Variants in IMMP2L observed in about 807,000 individuals in gnomAD.
IMMP2L encodes mitochondrial inner membrane protease subunit 2.
IMMP2L carries 18 observed loss-of-function variants against 19.3 expected under a neutral mutation model. The observed-to-expected ratio is 0.93, with a 90% CI of 0.64 to 1.38. The LOEUF (loss-of-function observed/expected upper bound fraction) is 1.38, where lower values mean the gene tolerates loss of function less well. Ranked by LOEUF, IMMP2L falls within the 40% of genes most tolerant of loss-of-function variation. The probability of loss-of-function intolerance (pLI) is 0.00; values close to 1 mark genes in which losing one functional copy is unlikely to be tolerated. For synonymous variants in IMMP2L, 76 were observed against 73.0 expected (o/e 1.04, Z -0.21); for missense variants, 233 against 218.2 (o/e 1.07, Z -0.43).
chr7:111,424,833 T>C (rs1835912861), intron 3 of IMMP2L, among the ~76,000 whole-genome samples: 1 of 151,794 alleles, frequency 6.6e-6, no homozygotes. Flanking sequence ...TTGTAAAATA[T>C]GTGGTTATTT....
rs111710073 is a variant in IMMP2L at position 110,882,287 on chromosome 7, G to GCCTTCCTTCCTTCCTT, written c.408+4290_408+4305dup. On this transcript the variant is annotated intron_variant, in intron 5 of 5. Transcript: ENST00000405709. ...GTCCCAATTCCTCTCTTTGTCAAGT[G>GCCTTCCTTCCTTCCTT]CCTTCCTTCCTTCCTTCCTTCCTTC... Among the ~76,000 whole-genome samples, 119 of 122,168 alleles carry GCCTTCCTTCCTTCCTT rather than the reference G, an allele frequency of 9.7e-4. 1 individual carries two copies. The highest frequency in any genetic ancestry group is 2.8e-3 in the African/African-American group (84 of 30,168). The allele number at this position is 122,168 out of a possible 152,430, so 80.1% of individuals were successfully genotyped here.
At chr7:111,480,597 CAAAAAAAAAA>C (rs925037556) in intron 3 of IMMP2L, among the ~76,000 whole-genome samples, 9 of 55,060 alleles carry the variant, frequency 1.6e-4, no homozygotes, top group East Asian at 5.8e-4. Flanking sequence ...ATTTTACTGT[CAAAAAAAAAA>C]AAAAAAAAAA....
At chr7:110,799,668 C>A (rs2131201710) in intron 5 of IMMP2L, among the ~76,000 whole-genome samples, 1 of 152,112 alleles carries the variant, frequency 6.6e-6, no homozygotes, top group South Asian at 2.1e-4. Context: ...TCAAAGATGA[C>A]AATTTATCAT....
chr7:111,456,586 A>G (rs1214969736), intron 3 of IMMP2L, among the ~76,000 whole-genome samples: 3 of 152,194 alleles, frequency 2.0e-5, no homozygotes, highest in Admixed American at 2.0e-4. Flanking sequence ...ATATTTATGA[A>G]CGATATCAAT....
chr7:110,816,333 G>A (rs1190856656), intron 5 of IMMP2L, among the ~76,000 whole-genome samples: 2 of 152,098 alleles, frequency 1.3e-5, no homozygotes, highest in Non-Finnish European at 2.9e-5. Context: ...CTGAGAGACA[G>A]TTTGTTATAA....
intron 4 of IMMP2L, among the ~76,000 whole-genome samples, chr7:110,935,105 G>T (rs551067984): frequency 6.6e-6 from 1 of 151,998 alleles, no homozygotes; most frequent in Non-Finnish European, 1.5e-5. Context: ...TGGTCTTTAC[G>T]ATTTGTTATG....
chr7:111,441,128 A>T (rs1837669285), intron 3 of IMMP2L, among the ~76,000 whole-genome samples: 1 of 151,850 alleles, frequency 6.6e-6, no homozygotes, highest in Non-Finnish European at 1.5e-5. Context: ...TAACAGCAAT[A>T]AGGCTATTTC....
chr7:111,507,014 C>A (rs1397304617), intron 2 of IMMP2L, among the ~76,000 whole-genome samples: 1 of 151,876 alleles, frequency 6.6e-6, no homozygotes, highest in African/African-American at 2.4e-5. Context: ...GCTAAGTTTT[C>A]TATTTTTAGT....
chr7:111,354,947 T>C (rs953081099), intron 3 of IMMP2L, among the ~76,000 whole-genome samples: 2 of 151,762 alleles, frequency 1.3e-5, no homozygotes, highest in East Asian at 1.9e-4. Context: ...CTAATCTCAA[T>C]AGAATAAACA....
chr7:111,114,994 C>T (rs910438777), intron 3 of IMMP2L, among the ~76,000 whole-genome samples: 5 of 151,914 alleles, frequency 3.3e-5, no homozygotes, highest in African/African-American at 1.2e-4. Context: ...TTAATTATAA[C>T]CTGAAGCAAA....
rs187872002 is a variant in IMMP2L, at chr7:111,389,831, A to T, written c.239+97407T>A. Reference sequence around the variant, plus strand: ...TCTGCTCTGAATTTTGAATATAAAAAAGTATGCTTGTGCTAGAGGCTAATA... The same window carrying T: ...TCTGCTCTGAATTTTGAATATAAAATAGTATGCTTGTGCTAGAGGCTAATA... On this transcript the variant is annotated intron_variant, in intron 3 of 5. Coordinates refer to ENST00000405709, the MANE Select transcript of IMMP2L (RefSeq NM_032549.4). Among the ~76,000 whole-genome samples, 21 of 152,234 alleles carry T rather than the reference A, an allele frequency of 1.4e-4. 1 individual carries two copies. Among genetic ancestry groups the T allele is most frequent in the Non-Finnish European group, 3.1e-4 (21 of 68,012 alleles).
At chr7:110,706,925 G>C (rs951904462) in intron 5 of IMMP2L, among the ~76,000 whole-genome samples, 1 of 151,066 alleles carries the variant, frequency 6.6e-6, no homozygotes, top group Non-Finnish European at 1.5e-5. Flanking sequence ...TCCCAAGGTT[G>C]ATACCCAGAA....
intron 5 of IMMP2L, among the ~76,000 whole-genome samples, chr7:110,678,914 G>A (rs975193442): frequency 1.4e-4 from 21 of 152,078 alleles, no homozygotes; most frequent in African/African-American, 4.3e-4. Context: ...GAAGAGATTC[G>A]AAATGAGACT....
intron 5 of IMMP2L, among the ~76,000 whole-genome samples, chr7:110,850,024 T>C (rs1806038673): frequency 6.6e-6 from 1 of 151,958 alleles, no homozygotes; most frequent in South Asian, 2.1e-4. Flanking sequence ...ATAGGGAAAG[T>C]ATGTAGAAGA....
intron 3 of IMMP2L, among the ~76,000 whole-genome samples, chr7:111,156,602 T>C (rs1354837522): frequency 1.3e-5 from 2 of 152,080 alleles, no homozygotes; most frequent in Admixed American, 1.3e-4. Flanking sequence ...TATCTTTCCA[T>C]TTATTTAGGT....
At chr7:111,007,150 C>A (rs1487497578) in intron 3 of IMMP2L, among the ~76,000 whole-genome samples, 1 of 152,094 alleles carries the variant, frequency 6.6e-6, no homozygotes, top group African/African-American at 2.4e-5. Flanking sequence ...CACGCACCTT[C>A]TTCACATGGT....
At chr7:110,888,535 C>T (rs950784504) in intron 4 of IMMP2L, among the ~76,000 whole-genome samples, 3 of 152,072 alleles carry the variant, frequency 2.0e-5, no homozygotes, top group African/African-American at 7.2e-5. Flanking sequence ...TGCAGTGACA[C>T]GGTGAGTTTT....
At chr7:110,749,763 G>T (rs1797609321) in intron 5 of IMMP2L, among the ~76,000 whole-genome samples, 1 of 152,116 alleles carries the variant, frequency 6.6e-6, no homozygotes, top group African/African-American at 2.4e-5. Flanking sequence ...GGGGCCCAGG[G>T]GAGGGATAGC....
At chr7:111,155,984 T>A (rs1305457419) in intron 3 of IMMP2L, among the ~76,000 whole-genome samples, 6 of 152,140 alleles carry the variant, frequency 3.9e-5, no homozygotes. Context: ...TGTGTTTGAC[T>A]TATTTGCTCC....
Sources: allele counts gnomAD v4.1 joint callset (sites outside exome capture counted in the v4.1 genomes callset), GRCh38; gene constraint gnomAD v4.1.1; transcripts MANE v1.5; gene names NCBI Gene and HGNC (gene_info 2026-07-23, HGNC 2026-07-21).